PLP2: variants seen among roughly 807,000 people sequenced by gnomAD.
PLP2 encodes proteolipid protein 2, also known as A4 differentiation-dependent protein.
Under a neutral mutation model 11.4 loss-of-function variants are expected in PLP2, and 8 were observed. That is an observed-to-expected ratio of 0.70 (90% CI 0.41 to 1.27). PLP2 has a LOEUF of 1.27. Ranked by LOEUF, PLP2 falls within the 50% of genes most tolerant of loss-of-function variation. The probability of loss-of-function intolerance (pLI) is 0.01; values close to 1 mark genes in which losing one functional copy is unlikely to be tolerated. For missense variants in PLP2, 127 were observed against 123.5 expected (o/e 1.03, Z -0.14); for synonymous variants, 50 against 53.2 (o/e 0.94, Z 0.26).
rs1031329461 is a variant in PLP2 at position 49,172,109 on chromosome X, G to C, written c.96+13G>C. The C allele has an allele frequency of 5.6e-5, 64 of 1,134,926 alleles. No homozygotes were observed. The highest frequency in any genetic ancestry group is 7.7e-5 in the Non-Finnish European group (64 of 829,392). 93.5% of individuals were successfully genotyped at this position (1,134,926 alleles called of 1,213,427 possible). ...GTTTGCTGAGATTGTGAGCGTTCTG[G>C]GGCAGGCGCGTGGGCAAAAGCGGGA... is the stretch of plus-strand genomic sequence containing the variant. On this transcript the variant is annotated intron_variant, in intron 1 of 4. Transcript: ENST00000376327.
At position 49,174,799 on chromosome X, in the gene PLP2, C is replaced by A; in HGVS notation, c.*105C>A. 1 of 709,741 alleles carries A rather than the reference C, an allele frequency of 1.4e-6. No homozygotes were observed. 58.5% of individuals were successfully genotyped at this position (709,741 alleles called of 1,213,427 possible). A position where few individuals can be genotyped will look rare whatever the true frequency, so the allele number is the denominator to read the frequency against. ...TTCCCAGCAGACCAACTCCCACCCC[C>A]TCTTTGAGGTAAAAGTGCCTTTATT... On this transcript the variant is annotated 3_prime_UTR_variant, in exon 5 of 5. Transcript: ENST00000376327.
chrX:49,173,339 G>A (rs926036810), intron 2 of PLP2, 49 bp from the exon 3 acceptor site: 2 of 1,202,835 alleles, frequency 1.7e-6, no homozygotes, highest in African/African-American at 1.8e-5. Flanking sequence ...TAGGATTGTC[G>A]GGGAACTGTG....
intron 3 of PLP2, chrX:49,173,690 G>A: frequency 1.3e-6 from 1 of 789,016 alleles, no homozygotes; most frequent in East Asian, 3.5e-5. Context: ...CAGACACAAG[G>A]ACCTTGGTGA....
intron 1 of PLP2, among the ~76,000 whole-genome samples, chrX:49,172,732 G>T (rs1390368139): frequency 8.9e-6 from 1 of 112,259 alleles, no homozygotes. Flanking sequence ...CGCGTGTTCC[G>T]CCCCGGTCAA....
rs1557099430 is a variant in PLP2, at chrX:49,173,325, C to T, written c.249+44C>T. The T allele has an allele frequency of 8.3e-7, 1 of 1,205,633 alleles. No homozygotes were observed. The highest frequency in any genetic ancestry group is 3.0e-5 in the East Asian group (1 of 33,813). On this transcript the variant is annotated intron_variant, in intron 2 of 4. Transcript: ENST00000376327. The stretch of plus-strand genomic sequence containing the variant: ...TGGCAAGACCAGGGAGGGGTCTGGG[C>T]AGTTAGGATTGTCGGGGAACTGTGG...
Position 49,171,917 on chromosome X carries a change from G to T in PLP2, c.-84G>T. On this transcript the variant is annotated 5_prime_UTR_variant, in exon 1 of 5. Transcript: ENST00000376327. ...GGCCCCCTTCCCGGCCAGACGGCGG[G>T]CAAGACAGCTGGGTGTACAGCGTCC... 1.4e-6 allele frequency: 1 copy of T among 692,604 alleles called. No homozygotes were observed. The highest frequency in any genetic ancestry group is 2.3e-6 in the Non-Finnish European group (1 of 442,354). The allele number at this position is 692,604 out of a possible 1,213,427, so 57.1% of individuals were successfully genotyped here. A position where few individuals can be genotyped will look rare whatever the true frequency, so the allele number is the denominator to read the frequency against.
intron 1 of PLP2, among the ~76,000 whole-genome samples, chrX:49,172,732 G>A (rs1390368139): frequency 8.9e-6 from 1 of 112,259 alleles, no homozygotes; most frequent in Non-Finnish European, 1.9e-5. Flanking sequence ...CGCGTGTTCC[G>A]CCCCGGTCAA....
Position 49,173,500 on chromosome X carries a change from C to T in PLP2, c.345+17C>T, listed in dbSNP as rs2065399899. On this transcript the variant is annotated intron_variant, in intron 3 of 4. Transcript: ENST00000376327. ...GTCGCAGGGGTAAAGGCCATGGGAGCAGCTCTGAAGCACAGAGCGAAGGGT... is the reference window on the plus strand; with the variant it reads ...GTCGCAGGGGTAAAGGCCATGGGAGTAGCTCTGAAGCACAGAGCGAAGGGT... 4 of 1,210,120 alleles carry T rather than the reference C, an allele frequency of 3.3e-6. No homozygotes were observed. Among genetic ancestry groups the T allele is most frequent in the Non-Finnish European group, 4.5e-6 (4 of 895,235 alleles).
chrX:49,173,755 CT>C (rs1210037216), intron 3 of PLP2: 1 of 482,613 alleles, frequency 2.1e-6, no homozygotes, highest in African/African-American at 2.4e-5. Flanking sequence ...TCTGCAAGAA[CT>C]TTGTCCCAAA....
intron 3 of PLP2, chrX:49,173,731 G>A (rs2065400798): frequency 2.0e-6 from 1 of 511,580 alleles, no homozygotes; most frequent in Non-Finnish European, 3.2e-6. Context: ...CTTTGTCAAT[G>A]CACTAGACTA....
chrX:49,173,982 A>C (rs1382067297), intron 3 of PLP2, among the ~76,000 whole-genome samples: 3 of 111,397 alleles, frequency 2.7e-5, no homozygotes, highest in Non-Finnish European at 5.7e-5. Context: ...AGGCAGGAGA[A>C]TCACTTGAAC....
chrX:49,174,768 A>C lies in PLP2; in HGVS notation c.*74A>C, dbSNP rs2065406064. The C allele has an allele frequency of 4.5e-6, 4 of 897,828 alleles. No individual in the cohort carries two copies. Among genetic ancestry groups the C allele is most frequent in the East Asian group, 6.3e-5 (2 of 31,577 alleles). 74.0% of individuals were successfully genotyped at this position (897,828 alleles called of 1,213,427 possible). A position where few individuals can be genotyped will look rare whatever the true frequency, so the allele number is the denominator to read the frequency against. ...GAAATAACTCCTCCCCACCCCAACA[A>C]CAACATTCCCAGCAGACCAACTCCC... On this transcript the variant is annotated 3_prime_UTR_variant, in exon 5 of 5. Transcript: ENST00000376327.
In PLP2 at chrX:49,171,983, G is replaced by T; in HGVS notation, c.-18G>T. On this transcript the variant is annotated 5_prime_UTR_variant, in exon 1 of 5. The change creates a new upstream start codon in the 5' untranslated region. Transcript: ENST00000376327. Reference sequence around the variant, plus strand: ...AGTGAGCAGATCCTCCGAGGCACCAGGGACTCCAGCCCATGCCATGGCGGA... The same window carrying T: ...AGTGAGCAGATCCTCCGAGGCACCATGGACTCCAGCCCATGCCATGGCGGA... The T allele has an allele frequency of 8.9e-7, 1 of 1,127,114 alleles. No individual in the cohort carries two copies. The allele number at this position is 1,127,114 out of a possible 1,213,427, so 92.9% of individuals were successfully genotyped here. A position where few individuals can be genotyped will look rare whatever the true frequency, so the allele number is the denominator to read the frequency against.
intron 4 of PLP2, 83 bp downstream of exon 4, chrX:49,174,508 C>A: frequency 1.1e-6 from 1 of 914,988 alleles, no homozygotes; most frequent in Non-Finnish European, 1.6e-6. Context: ...CTTAAAGGCA[C>A]GAATGCCAAC....
At chrX:49,172,508 G>A (rs1027477016) in intron 1 of PLP2, among the ~76,000 whole-genome samples, 7 of 111,976 alleles carry the variant, frequency 6.3e-5, no homozygotes, top group East Asian at 2.8e-4. Context: ...CCCCCGCCCC[G>A]CGCTAGTCCC....
intron 1 of PLP2, 131 bp downstream of exon 1, chrX:49,172,227 C>T (rs1557099293): frequency 3.9e-6 from 2 of 507,829 alleles, no homozygotes; most frequent in Non-Finnish European, 6.8e-6. Flanking sequence ...GGTGGGTTCA[C>T]GGTGGAGGCC....
chrX:49,173,467 C>G lies in PLP2; in HGVS notation c.329C>G (p.Ser110Cys), dbSNP rs2065399730. 8.3e-7 allele frequency: 1 copy of G among 1,209,892 alleles called. No individual in the cohort carries two copies. Among genetic ancestry groups the G allele is most frequent in the Admixed American group, 2.2e-5 (1 of 45,703 alleles). The change falls in exon 3 of 5, where the codon TCC (serine) becomes TGC (cysteine). Residue 110 changes from serine (S) to cysteine (C), a missense_variant. Ser to Cys is a moderately radical substitution (Grantham distance 112). Coordinates refer to ENST00000376327, the MANE Select transcript of PLP2 (RefSeq NM_002668.3). ...GTCCTTGTTGAGAGAGGAAACCACTCCAAAATCGTCGCAGGGGTAAAGGCC... is the reference window on the plus strand; with the variant it reads ...GTCCTTGTTGAGAGAGGAAACCACTGCAAAATCGTCGCAGGGGTAAAGGCC... ...IVVLVERGNH[S>C]KIVAGVLGLI...
intron 3 of PLP2, 120 bp from the exon 4 acceptor site, chrX:49,174,215 C>T: frequency 1.8e-6 from 1 of 555,744 alleles, no homozygotes. Context: ...GCTTACCAAC[C>T]CGGTGCTTGA....
chrX:49,173,152 C>A lies in PLP2; in HGVS notation c.120C>A (p.Ile40=). ...AEIILCLVIL[I]CFSASTPGYS... The stretch of plus-strand genomic sequence containing the variant: ...AGATATTATGCCTGGTGATCCTGAT[C>A]TGCTTCAGTGCCTCCACACCAGGCT... Residue 40 remains isoleucine, a synonymous_variant, in exon 2 of 5, where the codon ATC becomes ATA. Transcript: ENST00000376327. 1 of 1,210,088 alleles carries A rather than the reference C, an allele frequency of 8.3e-7. No homozygotes were observed. The highest frequency in any genetic ancestry group is 1.1e-6 in the Non-Finnish European group (1 of 894,077).
Sources: allele counts gnomAD v4.1 joint callset (sites outside exome capture counted in the v4.1 genomes callset), GRCh38; gene constraint gnomAD v4.1.1; transcripts MANE v1.5; gene names NCBI Gene and HGNC (gene_info 2026-07-23, HGNC 2026-07-21).